The following CLEC20A variants were observed in gnomAD, a reference collection of about 807,000 sequenced individuals.
CLEC20A encodes C-type lectin domain containing 20A.
chr1:178,486,389 C>T, intron 5 of CLEC20A: 1 of 398,666 alleles, frequency 2.5e-6, no homozygotes, highest in Non-Finnish European at 4.4e-6. Flanking sequence ...ATGCTTGGGC[C>T]TGCCTGGGGT....
At chr1:178,492,461 G>A (rs948408363) in intron 3 of CLEC20A, 40 bp downstream of exon 3, 16 of 398,348 alleles carry the variant, frequency 4.0e-5, no homozygotes, top group African/African-American at 2.1e-4. Context: ...GGCAAAACAA[G>A]CCAAATTCCC....
chr1:178,495,199 C>T (rs1572160503), intron 1 of CLEC20A, among the ~76,000 whole-genome samples: 1 of 152,238 alleles, frequency 6.6e-6, no homozygotes, highest in East Asian at 1.9e-4. Flanking sequence ...GAGCACCCGC[C>T]ATGTGCCATC....
At chr1:178,496,063 T>C (rs1178471010) in intron 1 of CLEC20A, 2 of 152,256 alleles carry the variant, frequency 1.3e-5, no homozygotes, top group Non-Finnish European at 2.9e-5. Flanking sequence ...ACACCCACCG[T>C]AGGGGAGGAT....
chr1:178,478,923 T>TG (rs1648860500), downstream of CLEC20A: 1 of 152,202 alleles, frequency 6.6e-6, no homozygotes, highest in Non-Finnish European at 1.5e-5. Context: ...CTAGGACACT[T>TG]GAAGAGAAAC....
intron 3 of CLEC20A, 93 bp downstream of exon 3, chr1:178,492,408 G>A (rs1282514881): frequency 9.3e-5 from 37 of 398,502 alleles, no homozygotes; most frequent in East Asian, 7.5e-4. Context: ...GAGGGGACGC[G>A]GGGGTGGAGA....
intron 5 of CLEC20A, chr1:178,483,494 A>G (rs10913560): frequency 0.086 from 32,367 of 375,704 alleles, 1,510 homozygotes; most frequent in Middle Eastern, 0.11. Context: ...GAGTTGCTAC[A>G]CCATCATCTT....
At chr1:178,482,086 A>C (rs1415860728) in intron 7 of CLEC20A, 1 of 370,026 alleles carries the variant, frequency 2.7e-6, no homozygotes, top group African/African-American at 2.4e-5. Context: ...AAAAAACAAA[A>C]AAACAACAAA....
upstream of CLEC20A, chr1:178,497,255 C>G (rs2101881219): frequency 3.2e-6 from 1 of 312,854 alleles, no homozygotes; most frequent in Admixed American, 5.0e-5. Flanking sequence ...TTACCTTCTC[C>G]TGCCTTCCTG....
chr1:178,488,439 C>A (rs1294934088), intron 5 of CLEC20A, 62 bp downstream of exon 5: 1 of 398,528 alleles, frequency 2.5e-6, no homozygotes, highest in African/African-American at 2.1e-5. Context: ...GCCTGCAAGC[C>A]AGCCTTGCCA....
chr1:178,490,285 T>C, exon 4 of CLEC20A: 1 of 398,706 alleles, frequency 2.5e-6, no homozygotes, highest in Non-Finnish European at 4.4e-6. Context: ...GTCTCACTCA[T>C]GATGGATCTC....
chr1:178,484,804 A>G (rs1269924630), intron 5 of CLEC20A: 1 of 152,258 alleles, frequency 6.6e-6, no homozygotes, highest in Non-Finnish European at 1.5e-5. Context: ...ACTTCAGTTA[A>G]CGTCACTTGT....
chr1:178,484,143 C>T (rs2101862666), intron 5 of CLEC20A: 1 of 152,302 alleles, frequency 6.6e-6, no homozygotes, highest in South Asian at 2.1e-4. Flanking sequence ...AATGCCGCAA[C>T]AAACAACCGT....
At chr1:178,485,790 C>T (rs1414868173) in intron 5 of CLEC20A, among the ~76,000 whole-genome samples, 8 of 152,178 alleles carry the variant, frequency 5.3e-5, no homozygotes, top group Admixed American at 1.3e-4. Context: ...CAGAGAGATA[C>T]AAAGAAGTAC....
At chr1:178,478,963 T>C (rs940259079), downstream of CLEC20A, 18 of 152,222 alleles carry the variant, frequency 1.2e-4, no homozygotes, top group African/African-American at 4.3e-4. Context: ...GGAATATTCT[T>C]CTAAAAATAT....
chr1:178,499,450 A>C (rs1649479395), upstream of CLEC20A: 1 of 152,212 alleles, frequency 6.6e-6, no homozygotes, highest in African/African-American at 2.4e-5. Flanking sequence ...CTGGGTAGGC[A>C]GAATCTAATC....
intron 5 of CLEC20A, among the ~76,000 whole-genome samples, chr1:178,487,529 C>T (rs1649178869): frequency 6.6e-6 from 1 of 152,202 alleles, no homozygotes; most frequent in Admixed American, 6.5e-5. Context: ...CCTTCTCATC[C>T]TTCCAATAGT....
chr1:178,494,506 G>A lies in CLEC20A; in HGVS notation c.345C>T (p.Pro115=), dbSNP rs1266602148. ...CTGTGCAGGAGGCAGCCCCTATGCT[G>A]GGTAATTTCAGCCAAGTGTACAGCG... The change falls in exon 2 of 8, where the codon CCC becomes CCT. Residue 115 remains proline, a synonymous_variant. Transcript: ENST00000623247. 8.0e-5 allele frequency: 32 copies of A among 399,458 alleles called. No homozygotes were observed. The Admixed American group carries it at 1.4e-3, about 18-fold the overall frequency. The allele number at this position is 399,458 out of a possible 1,614,324, so 24.7% of individuals were successfully genotyped here.
intron 2 of CLEC20A, 108 bp from the exon 3 acceptor site, chr1:178,492,674 G>C: frequency 2.5e-6 from 1 of 398,104 alleles, no homozygotes; most frequent in Non-Finnish European, 4.4e-6. Context: ...AGACAGGCTG[G>C]TCCATCCCTT....
chr1:178,489,183 C>T (rs1649220154), intron 4 of CLEC20A, among the ~76,000 whole-genome samples: 1 of 151,888 alleles, frequency 6.6e-6, no homozygotes, highest in Admixed American at 6.6e-5. Flanking sequence ...GCTAACATGG[C>T]AAAACCCCGT....
Sources: allele counts gnomAD v4.1 joint callset (sites outside exome capture counted in the v4.1 genomes callset), GRCh38; gene constraint gnomAD v4.1.1; transcripts MANE v1.5; gene names NCBI Gene and HGNC (gene_info 2026-07-23, HGNC 2026-07-21).